Variants in FHIP2A observed in about 807,000 individuals in gnomAD.
FHIP2A encodes the protein family with sequence similarity 160 member B1.
A neutral mutation model predicts 93.5 loss-of-function variants in FHIP2A; 46 were observed. That is an observed-to-expected ratio of 0.49 (90% confidence interval 0.39 to 0.63). The LOEUF (loss-of-function observed/expected upper bound fraction) is 0.63, where lower values mean the gene tolerates loss of function less well. Among genes scored for constraint, FHIP2A ranks in the 20% least tolerant of loss-of-function variants. The pLI is 0.00. For synonymous variants in FHIP2A, 332 were observed against 326.5 expected (o/e 1.02, Z -0.18); for missense variants, 769 against 909.7 (o/e 0.85, Z 1.99).
intron 16 of FHIP2A, among the ~76,000 whole-genome samples, chr10:114,870,216 G>A (rs1279664421): frequency 6.6e-6 from 1 of 152,166 alleles, no homozygotes; most frequent in Non-Finnish European, 1.5e-5. Flanking sequence ...GATGCTGACT[G>A]TCAACCTTAT....
intron 5 of FHIP2A, among the ~76,000 whole-genome samples, chr10:114,841,400 A>G (rs1335972759): frequency 6.9e-6 from 1 of 144,418 alleles, no homozygotes; most frequent in Admixed American, 7.4e-5. Flanking sequence ...TCAAGTGATT[A>G]TTCTGCCTCA....
rs753752201 is a variant in FHIP2A at position 114,860,762 on chromosome 10, A to T, written c.1961A>T (p.Asn654Ile). The T allele has an allele frequency of 2.5e-6, 4 of 1,601,046 alleles. No homozygotes were observed. In the South Asian group the frequency reaches 4.4e-5, roughly 18 times the overall value. Residue 654 changes from asparagine (N) to isoleucine (I), a missense_variant, in exon 15 of 17, where the codon AAC becomes ATC. Asn to Ile is a moderately radical substitution (Grantham distance 149, BLOSUM62 -3). Coordinates refer to ENST00000369248, the MANE Select transcript of FHIP2A (RefSeq NM_020940.4). ...ATCTCTCCATAGCCATATGATGTAAACTTACAAGTAACCTCAGTGTTATCT... is the reference window on the plus strand; with the variant it reads ...ATCTCTCCATAGCCATATGATGTAATCTTACAAGTAACCTCAGTGTTATCT... ...GRILDQPYDV[N>I]LQVTSVLSRL...
intron 16 of FHIP2A, among the ~76,000 whole-genome samples, chr10:114,885,847 A>T (rs1185619359): frequency 2.6e-5 from 4 of 152,204 alleles, no homozygotes; most frequent in Non-Finnish European, 5.9e-5. Context: ...GAGAGTGTAG[A>T]GAAAGCAATA....
intron 16 of FHIP2A, among the ~76,000 whole-genome samples, chr10:114,898,765 G>A (rs961089185): frequency 5.3e-5 from 8 of 151,982 alleles, no homozygotes; most frequent in African/African-American, 1.9e-4. Context: ...TATTTCACAG[G>A]GTTATTATGA....
At chr10:114,888,501 A>G (rs2083953914) in intron 16 of FHIP2A, among the ~76,000 whole-genome samples, 1 of 152,262 alleles carries the variant, frequency 6.6e-6, no homozygotes, top group South Asian at 2.1e-4. Context: ...AATACTCCCA[A>G]GAACTGCAAA....
Position 114,870,344 on chromosome 10 carries a change from G to A in FHIP2A, c.2192+9010G>A, listed in dbSNP as rs372092655. ...CTTCAGAAATCCTTACATCACCATGGAAGCTGATCCCTGCCTCTTAACAAT... is the reference window on the plus strand; with the variant it reads ...CTTCAGAAATCCTTACATCACCATGAAAGCTGATCCCTGCCTCTTAACAAT... On this transcript the variant is annotated intron_variant, in intron 16 of 16. Coordinates refer to the FHIP2A transcript ENST00000369250. Among the ~76,000 whole-genome samples, 13 of 152,052 alleles carry A rather than the reference G, an allele frequency of 8.5e-5. No individual in the cohort carries two copies. In the South Asian group the frequency reaches 2.3e-3, roughly 27 times the overall value.
exon 17 of FHIP2A, chr10:114,899,519 G>A: frequency 4.2e-6 from 3 of 718,410 alleles, no homozygotes; most frequent in Non-Finnish European, 5.2e-6. Flanking sequence ...TGGTAAGAGG[G>A]ATTCCAGAGT....
At chr10:114,885,212 T>A (rs1003202336) in intron 16 of FHIP2A, among the ~76,000 whole-genome samples, 1 of 151,882 alleles carries the variant, frequency 6.6e-6, no homozygotes, top group Non-Finnish European at 1.5e-5. Context: ...CTGACCAACA[T>A]GGTGAAATCC....
chr10:114,862,960 C>T lies in FHIP2A; in HGVS notation c.*1420C>T, dbSNP rs2083809270. On this transcript the variant is annotated 3_prime_UTR_variant, in exon 17 of 17. Coordinates refer to ENST00000369248, the MANE Select transcript of FHIP2A (RefSeq NM_020940.4). ...GGCATGTGCATAGAGGCTTGTTTTA[C>T]ACCTATCTGCTCATTTTGTTGTGTT... 4 of 985,392 alleles carry T rather than the reference C, an allele frequency of 4.1e-6. No homozygotes were observed. The South Asian group carries it at 1.4e-4, about 35-fold the overall frequency. The allele number at this position is 985,392 out of a possible 1,614,324, so 61.0% of individuals were successfully genotyped here. A position where few individuals can be genotyped will look rare whatever the true frequency, so the allele number is the denominator to read the frequency against.
At chr10:114,877,274 G>A (rs1348725068) in intron 16 of FHIP2A, among the ~76,000 whole-genome samples, 2 of 152,040 alleles carry the variant, frequency 1.3e-5, no homozygotes, top group Middle Eastern at 3.2e-3. Context: ...TTTCCCCACT[G>A]GGAACGGCGC....
At chr10:114,894,505 G>T (rs932750910) in intron 16 of FHIP2A, among the ~76,000 whole-genome samples, 2 of 152,142 alleles carry the variant, frequency 1.3e-5, no homozygotes, top group Non-Finnish European at 2.9e-5. Flanking sequence ...GGACGTCAAG[G>T]CTGCAGTGAG....
chr10:114,848,499 A>T, intron 12 of FHIP2A, 148 bp from the exon 13 acceptor site: 1 of 578,818 alleles, frequency 1.7e-6, no homozygotes, highest in East Asian at 2.8e-5. Context: ...TACTTAGCTG[A>T]ACTTACGATA....
intron 14 of FHIP2A, among the ~76,000 whole-genome samples, chr10:114,859,026 C>A (rs991705780): frequency 6.6e-6 from 1 of 151,792 alleles, no homozygotes; most frequent in Non-Finnish European, 1.5e-5. Context: ...AAAAAATACC[C>A]AAAGCCCCCA....
intron 16 of FHIP2A, among the ~76,000 whole-genome samples, chr10:114,890,864 G>T (rs1341384335): frequency 6.7e-6 from 1 of 150,374 alleles, no homozygotes; most frequent in African/African-American, 2.4e-5. Context: ...AGAGGTTTTT[G>T]GTGTGATAAT....
At chr10:114,841,420 G>C (rs554499684) in intron 5 of FHIP2A, among the ~76,000 whole-genome samples, 49 of 151,494 alleles carry the variant, frequency 3.2e-4, no homozygotes, top group African/African-American at 1.1e-3. Flanking sequence ...AGCCTCCCTG[G>C]TAGCTGGGAT....
intron 5 of FHIP2A, among the ~76,000 whole-genome samples, chr10:114,841,449 C>A (rs1215802708): frequency 6.6e-6 from 1 of 151,936 alleles, no homozygotes; most frequent in Non-Finnish European, 1.5e-5. Flanking sequence ...CATGCCACCA[C>A]GCCCAGCTAA....
intron 5 of FHIP2A, among the ~76,000 whole-genome samples, chr10:114,837,905 C>T (rs2143010578): frequency 6.6e-6 from 1 of 152,300 alleles, no homozygotes; most frequent in Admixed American, 6.5e-5. Context: ...AGTTGTTTAT[C>T]CATACACCAG....
At chr10:114,894,486 T>A (rs958968635) in intron 16 of FHIP2A, among the ~76,000 whole-genome samples, 1 of 152,066 alleles carries the variant, frequency 6.6e-6, no homozygotes, top group Non-Finnish European at 1.5e-5. Context: ...GAGAATCACC[T>A]GAGTCCGGGG....
chr10:114,845,323 C>A, intron 7 of FHIP2A, 44 bp from the exon 8 acceptor site: 2 of 1,134,088 alleles, frequency 1.8e-6, no homozygotes, highest in Non-Finnish European at 2.7e-6. Context: ...AGGGTCCATG[C>A]TTTTGGATAA....
Sources: allele counts gnomAD v4.1 joint callset (sites outside exome capture counted in the v4.1 genomes callset), GRCh38; gene constraint gnomAD v4.1.1; transcripts MANE v1.5; gene names NCBI Gene and HGNC (gene_info 2026-07-23, HGNC 2026-07-21).